Variants in PIWIL3 observed in about 807,000 individuals in gnomAD.
The protein encoded by PIWIL3 is piwi like RNA-mediated gene silencing 3.
A neutral mutation model predicts 109.7 loss-of-function variants in PIWIL3; 101 were observed. The observed-to-expected ratio is 0.92, with a 90% CI of 0.78 to 1.09. PIWIL3 has a LOEUF of 1.09. Ranked by LOEUF, PIWIL3 falls within the 50% of genes least tolerant of loss-of-function variation. The probability of loss-of-function intolerance (pLI) is 0.00; values close to 1 mark genes in which losing one functional copy is unlikely to be tolerated. For synonymous variants in PIWIL3, 373 were observed against 376.4 expected, an observed-to-expected ratio of 0.99 and a Z score of 0.10; for missense variants, 1,031 against 1,072.6, an observed-to-expected ratio of 0.96 and a Z score of 0.54.
At chr22:24,719,717 T>G (rs1922546168) in intron 20 of PIWIL3, 31 bp downstream of exon 20, 2 of 1,588,104 alleles carry the variant, frequency 1.3e-6, no homozygotes, top group African/African-American at 2.7e-5. Flanking sequence ...ATTTAAAAAA[T>G]CTGAAGAAAA....
At chr22:24,753,682 G>A (rs1924840994) in intron 8 of PIWIL3, among the ~76,000 whole-genome samples, 1 of 152,154 alleles carries the variant, frequency 6.6e-6, no homozygotes, top group African/African-American at 2.4e-5. Context: ...ATGGGAAATT[G>A]CTGATGGGTT....
At chr22:24,747,382 G>C (rs977708312) in intron 12 of PIWIL3, among the ~76,000 whole-genome samples, 1 of 152,102 alleles carries the variant, frequency 6.6e-6, no homozygotes, top group African/African-American at 2.4e-5. Context: ...AAACTCTCCA[G>C]GACATTAGAG....
At chr22:24,763,859 C>T (rs1925609353) in intron 1 of PIWIL3, among the ~76,000 whole-genome samples, 1 of 152,122 alleles carries the variant, frequency 6.6e-6, no homozygotes, top group Admixed American at 6.5e-5. Context: ...GCTCCCACAG[C>T]TCACCTGCCC....
In PIWIL3 at chr22:24,762,395, CA is replaced by C; in HGVS notation, c.102+2del. 6.2e-7 allele frequency: 1 copy of C among 1,612,324 alleles called. No homozygotes were observed. Among genetic ancestry groups the C allele is most frequent in the Non-Finnish European group, 8.5e-7 (1 of 1,179,292 alleles). The stretch of plus-strand genomic sequence containing the variant: ...AGAAAGGAAACAACGTTACAGGGCT[CA>C]CTGTAGCTGATCCAGGTGCTCTGGG... On this transcript the variant is annotated splice_donor_variant, in intron 2 of 20. Coordinates refer to ENST00000616349, the MANE Select transcript of PIWIL3 (RefSeq NM_001255975.1). LOFTEE classifies it high-confidence loss of function.
At chr22:24,755,944 TC>T (rs1226747147) in intron 5 of PIWIL3, 39 bp from the exon 6 acceptor site, 2 of 1,594,430 alleles carry the variant, frequency 1.3e-6, no homozygotes, top group Non-Finnish European at 1.7e-6. Context: ...GTCCAGATAT[TC>T]TTCCAAAAAA....
chr22:24,762,619 A>T, intron 1 of PIWIL3, 98 bp from the exon 2 acceptor site: 1 of 1,035,808 alleles, frequency 9.7e-7, no homozygotes, highest in South Asian at 1.8e-5. Context: ...TGGGTAATTT[A>T]TAAAGGAAGA....
chr22:24,760,081 C>T (rs1925330042), intron 2 of PIWIL3, 92 bp from the exon 3 acceptor site: 1 of 1,516,772 alleles, frequency 6.6e-7, no homozygotes, highest in Admixed American at 1.8e-5. Flanking sequence ...GGCAAAGGAA[C>T]TTCCTCTGAA....
In PIWIL3 at chr22:24,770,156, G is replaced by C. The variant is rs985139189; in HGVS notation, c.-23+4166C>G. Among the ~76,000 whole-genome samples, 10 of 152,292 alleles carry C rather than the reference G, an allele frequency of 6.6e-5. No individual in the cohort carries two copies. In the East Asian group the frequency reaches 1.9e-3, roughly 29 times the overall value. On this transcript the variant is annotated intron_variant, in intron 1 of 20. Transcript: ENST00000616349. ...ATTTCATCGTAACAGCTTTGTGAAG[G>C]GGGCAGTGAAGCACAGAGGGATGAA...
intron 14 of PIWIL3, 45 bp downstream of exon 14, chr22:24,734,039 G>T: frequency 1.3e-6 from 2 of 1,562,380 alleles, no homozygotes; most frequent in South Asian, 1.2e-5. Context: ...AAGATGGTTT[G>T]GAACAATAAC....
intron 9 of PIWIL3, 63 bp from the exon 10 acceptor site, chr22:24,749,882 G>T (rs1924602538): frequency 1.2e-6 from 2 of 1,611,716 alleles, no homozygotes; most frequent in East Asian, 4.5e-5. Context: ...CACACACAGA[G>T]GTTCAAAAGT....
chr22:24,749,726 T>C lies in PIWIL3; in HGVS notation c.1183A>G (p.Ile395Val). 1.2e-6 allele frequency: 2 copies of C among 1,614,048 alleles called. No individual in the cohort carries two copies. Residue 395 changes from isoleucine (I) to valine (V), a missense_variant, in exon 10 of 21, where the codon ATC (isoleucine) becomes GTC (valine). Ile to Val is a conservative substitution (Grantham distance 29). Transcript: ENST00000616349. ...KGLTGTQREP[I>V]LLIPQLCHMT... ...TGGCACAGCTGAGGAATCAGCAGGA[T>C]AGGTTCACGTTGTGTACCCGTTAGG...
intron 2 of PIWIL3, chr22:24,761,894 C>G: frequency 1.1e-6 from 1 of 915,532 alleles, no homozygotes; most frequent in Non-Finnish European, 1.3e-6. Context: ...AGGCATCGTG[C>G]TACTTCCATG....
rs1014206781 is a variant in PIWIL3 at position 24,734,034 on chromosome 22, G to A, written c.1707+50C>T. ...TGAATTCTAAAATACTTATCAAGAT[G>A]GTTTGGAACAATAACTAAAAGATTG... On this transcript the variant is annotated intron_variant, in intron 14 of 20. Transcript: ENST00000616349. 3.2e-6 allele frequency: 5 copies of A among 1,553,178 alleles called. No individual in the cohort carries two copies. The African/African-American group carries it at 7.0e-5, about 22-fold the overall frequency.
At chr22:24,769,507 G>C (rs1319075634) in intron 1 of PIWIL3, among the ~76,000 whole-genome samples, 3 of 152,196 alleles carry the variant, frequency 2.0e-5, no homozygotes, top group African/African-American at 7.2e-5. Context: ...AGCTACTTGG[G>C]AGGCTGAGGC....
intron 12 of PIWIL3, among the ~76,000 whole-genome samples, chr22:24,747,841 A>G (rs1370889195): frequency 1.3e-5 from 2 of 152,298 alleles, no homozygotes; most frequent in East Asian, 3.9e-4. Context: ...TGGGAATGTC[A>G]ATTACTATAA....
chr22:24,754,075 G>C lies in PIWIL3; in HGVS notation c.916C>G (p.Gln306Glu), dbSNP rs2147703331. The change falls in exon 8 of 21, where the codon CAG (glutamine) becomes GAG (glutamate). Residue 306 changes from glutamine to glutamate, a missense_variant. Gln to Glu is a conservative substitution (Grantham distance 29, BLOSUM62 2). Transcript: ENST00000616349. ...ACTTCCTCTCGGATGTTTCCTGTCT[G>C]GGCCTGGGCAGATGTTCTCTTTATG... ...DFIKRTSAQA[Q>E]TGNIREEVTN... 1 of 1,612,968 alleles carries C rather than the reference G, an allele frequency of 6.2e-7. No homozygotes were observed. The highest frequency in any genetic ancestry group is 2.2e-5 in the East Asian group (1 of 44,876).
chr22:24,724,515 A>G (rs1264665279), intron 18 of PIWIL3, among the ~76,000 whole-genome samples: 12 of 151,054 alleles, frequency 7.9e-5, no homozygotes, highest in Admixed American at 5.3e-4. Flanking sequence ...GCTCACTGCA[A>G]CCTCTGCCTC....
intron 8 of PIWIL3, among the ~76,000 whole-genome samples, chr22:24,752,184 A>G (rs1275356757): frequency 6.6e-6 from 1 of 151,366 alleles, no homozygotes; most frequent in Non-Finnish European, 1.5e-5. Context: ...ATTTTCTCTT[A>G]ATAAAAAAGC....
intron 6 of PIWIL3, among the ~76,000 whole-genome samples, chr22:24,755,549 C>A (rs56161123): frequency 0.19 from 29,089 of 152,144 alleles, 3,100 homozygotes; most frequent in Admixed American, 0.31. Flanking sequence ...TCTTTCTAGG[C>A]AGGTATGAGA....
Sources: gnomAD v4.1 joint callset for allele counts (sites outside exome capture counted in the v4.1 genomes callset) on GRCh38, gnomAD v4.1.1 for gene constraint, MANE v1.5 for transcripts, NCBI Gene and HGNC (gene_info 2026-07-23, HGNC 2026-07-21) for gene names.